Variants in ZBTB20 observed in about 807,000 individuals in gnomAD.
The protein encoded by ZBTB20 is zinc finger and BTB domain containing 20, also known as zinc finger and BTB domain-containing protein 20.
In ZBTB20, 9 loss-of-function variants were observed where a neutral mutation model predicts 56.9. The ratio of observed to expected loss-of-function variants is 0.16; its 90% CI spans 0.10 to 0.28. The LOEUF is 0.28. Among genes scored for constraint, ZBTB20 ranks in the 10% least tolerant of loss-of-function variants. ZBTB20 has a pLI of 1.00. For synonymous variants in ZBTB20, 417 were observed against 420.7 expected, an observed-to-expected ratio of 0.99 and a Z score of 0.11; for missense variants, 655 against 1,003.0, an observed-to-expected ratio of 0.65 and a Z score of 4.69.
chr3:115,058,014 C>T (rs2081871109), intron 2 of ZBTB20, among the ~76,000 whole-genome samples: 1 of 152,022 alleles, frequency 6.6e-6, no homozygotes, highest in African/African-American at 2.4e-5. Flanking sequence ...AAGTGCTGAG[C>T]AAAAGGGGGA....
At chr3:114,554,281 T>C (rs1266896805) in intron 6 of ZBTB20, among the ~76,000 whole-genome samples, 2 of 152,192 alleles carry the variant, frequency 1.3e-5, no homozygotes, top group Admixed American at 1.3e-4. Flanking sequence ...AGCTTTCCCA[T>C]AGCACGTGTC....
At chr3:115,073,744 T>G (rs2082495986) in intron 1 of ZBTB20, among the ~76,000 whole-genome samples, 1 of 151,736 alleles carries the variant, frequency 6.6e-6, no homozygotes, top group African/African-American at 2.4e-5. Context: ...ATAATATAAT[T>G]AAAAATTAAC....
chr3:115,039,798 A>G (rs2081069039), intron 2 of ZBTB20, among the ~76,000 whole-genome samples: 1 of 152,050 alleles, frequency 6.6e-6, no homozygotes, highest in Non-Finnish European at 1.5e-5. Context: ...GGGCTTGCGT[A>G]GTGGGGAGAA....
At chr3:114,340,756 A>G (rs549459973) in intron 11 of ZBTB20, among the ~76,000 whole-genome samples, 1 of 152,288 alleles carries the variant, frequency 6.6e-6, no homozygotes, top group African/African-American at 2.4e-5. Context: ...CCATGATCCA[A>G]ACTAAAACTG....
intron 5 of ZBTB20, among the ~76,000 whole-genome samples, chr3:114,768,752 G>T (rs2068961411): frequency 6.6e-6 from 1 of 152,120 alleles, no homozygotes. Flanking sequence ...AAATAGGAGA[G>T]ATATCATTAT....
At chr3:114,890,888 G>A (rs1251517420) in intron 4 of ZBTB20, among the ~76,000 whole-genome samples, 1 of 152,014 alleles carries the variant, frequency 6.6e-6, no homozygotes, top group Non-Finnish European at 1.5e-5. Context: ...CTTTGACTAT[G>A]CCACATAATT....
chr3:114,923,295 G>A (rs1172412241), intron 3 of ZBTB20, among the ~76,000 whole-genome samples: 2 of 152,146 alleles, frequency 1.3e-5, no homozygotes, highest in African/African-American at 4.8e-5. Context: ...CAAAGCTGGA[G>A]GCATCACACT....
intron 6 of ZBTB20, among the ~76,000 whole-genome samples, chr3:114,597,560 C>G (rs2056418281): frequency 6.6e-6 from 1 of 152,108 alleles, no homozygotes; most frequent in Non-Finnish European, 1.5e-5. Flanking sequence ...TAGAGTTGTA[C>G]AATCTCCACG....
rs2078991960 is a variant in ZBTB20, at chr3:114,324,288, G to A, written c.*14717C>T. 1 of 152,170 alleles carries A rather than the reference G, an allele frequency of 6.6e-6. No homozygotes were observed. The highest frequency in any genetic ancestry group is 2.4e-5 in the African/African-American group (1 of 41,438). The allele number at this position is 152,170 out of a possible 1,614,324, so 9.4% of individuals were successfully genotyped here. ...TGTCAGATGGCTCTAATGCTAAGGGGAATGGGTTCAGAAAAAGATAAAGCT... is the reference window on the plus strand; with the variant it reads ...TGTCAGATGGCTCTAATGCTAAGGGAAATGGGTTCAGAAAAAGATAAAGCT... On this transcript the variant is annotated 3_prime_UTR_variant, in exon 12 of 12. Transcript: ENST00000675478.
At chr3:114,436,215 A>C (rs915018285) in intron 7 of ZBTB20, among the ~76,000 whole-genome samples, 5 of 151,290 alleles carry the variant, frequency 3.3e-5, no homozygotes, top group African/African-American at 9.7e-5. Context: ...TTGTGCTGAC[A>C]TTTTTTTTTG....
intron 3 of ZBTB20, chr3:114,931,185 G>A: frequency 5.0e-6 from 1 of 199,214 alleles, no homozygotes. Flanking sequence ...CACAAGGTAG[G>A]CCAGTGAGGC....
At chr3:115,027,090 A>T (rs1187865691) in intron 2 of ZBTB20, among the ~76,000 whole-genome samples, 1 of 150,976 alleles carries the variant, frequency 6.6e-6, no homozygotes, top group Non-Finnish European at 1.5e-5. Flanking sequence ...TCCTACATTT[A>T]GACATTTAGG....
intron 1 of ZBTB20, among the ~76,000 whole-genome samples, chr3:115,108,384 G>A (rs892649420): frequency 6.6e-6 from 1 of 152,166 alleles, no homozygotes; most frequent in African/African-American, 2.4e-5. Context: ...AATATTTCTT[G>A]TGGGGTTAAA....
intron 1 of ZBTB20, chr3:115,103,202 T>A (rs1306312905): frequency 6.6e-6 from 1 of 152,160 alleles, no homozygotes; most frequent in Non-Finnish European, 1.5e-5. Flanking sequence ...AATTGCTTCA[T>A]GTGTTGATAT....
intron 5 of ZBTB20, among the ~76,000 whole-genome samples, chr3:114,700,971 T>C (rs2063355460): frequency 6.6e-6 from 1 of 152,104 alleles, no homozygotes; most frequent in Non-Finnish European, 1.5e-5. Context: ...AGAAAACACA[T>C]AGCAACTATT....
chr3:114,667,420 T>C (rs1411249114), intron 6 of ZBTB20, among the ~76,000 whole-genome samples: 4 of 152,000 alleles, frequency 2.6e-5, no homozygotes, highest in Non-Finnish European at 5.9e-5. Context: ...CTGCAATGAT[T>C]AACACGTTTT....
In ZBTB20 at chr3:114,545,125, G is replaced by A. The variant is rs533529593; in HGVS notation, c.-294-44734C>T. On this transcript the variant is annotated intron_variant, in intron 6 of 11. Transcript: ENST00000675478. ...TCTGTATATGAAGGACGGAAAACCC[G>A]CTTTGGATATGTATGCTTCTGGGTA... 1.7e-4 allele frequency among the ~76,000 whole-genome samples: 26 copies of A among 152,198 alleles called. No individual in the cohort carries two copies. The South Asian group carries it at 3.7e-3, about 22-fold the overall frequency.
intron 10 of ZBTB20, among the ~76,000 whole-genome samples, chr3:114,360,554 A>C (rs963511202): frequency 6.6e-6 from 1 of 151,382 alleles, no homozygotes; most frequent in African/African-American, 2.4e-5. Flanking sequence ...GTTTTCACTA[A>C]GTTGGTCAGG....
chr3:114,853,324 G>A (rs890635561), intron 4 of ZBTB20, among the ~76,000 whole-genome samples: 6 of 152,114 alleles, frequency 3.9e-5, no homozygotes, highest in African/African-American at 7.2e-5. Context: ...AAATACTCTC[G>A]ACATTGTCCC....
Sources: allele counts gnomAD v4.1 joint callset (sites outside exome capture counted in the v4.1 genomes callset), GRCh38; gene constraint gnomAD v4.1.1; transcripts MANE v1.5; gene names NCBI Gene and HGNC (gene_info 2026-07-23, HGNC 2026-07-21).